ZMYM4: variants seen among roughly 807,000 people sequenced by gnomAD.
ZMYM4 encodes the protein zinc finger MYM-type containing 4, also known as zinc finger MYM-type protein 4.
In ZMYM4, 31 loss-of-function variants were observed where a neutral mutation model predicts 183.2. That is an observed-to-expected ratio of 0.17 (90% confidence interval 0.13 to 0.23). ZMYM4 has a LOEUF of 0.23. ZMYM4 is among the 10% of genes least tolerant of loss of function. The pLI is 1.00. For synonymous variants in ZMYM4, 592 were observed against 631.2 expected, an observed-to-expected ratio of 0.94 and a Z score of 0.93; for missense variants, 1,273 against 1,840.3, an observed-to-expected ratio of 0.69 and a Z score of 5.64.
At chr1:35,409,707 C>T (rs1270467804) in intron 26 of ZMYM4, among the ~76,000 whole-genome samples, 13 of 152,008 alleles carry the variant, frequency 8.6e-5, no homozygotes, top group Non-Finnish European at 1.0e-4. Context: ...TTTGGGAGGC[C>T]GAGGCAGGCA....
intron 1 of ZMYM4, among the ~76,000 whole-genome samples, chr1:35,324,947 T>G (rs538100139): frequency 6.6e-6 from 1 of 152,264 alleles, no homozygotes; most frequent in Non-Finnish European, 1.5e-5. Flanking sequence ...AGCAGCATGT[T>G]TTTGGCTTTA....
intron 2 of ZMYM4, among the ~76,000 whole-genome samples, chr1:35,353,456 C>T (rs535727872): frequency 1.3e-5 from 2 of 152,292 alleles, no homozygotes; most frequent in Non-Finnish European, 2.9e-5. Context: ...CTTGCAATTT[C>T]CTAATAGATC....
At position 35,418,517 on chromosome 1, in the gene ZMYM4, A is replaced by G. The variant is rs1292576211; in HGVS notation, c.4384A>G (p.Thr1462Ala). ...VPVGVEMAENTDNPLRCPVRL... is the reference protein window; with the variant it reads ...VPVGVEMAENADNPLRCPVRL... ...AGTGGGGGTGGAGATGGCAGAGAAT[A>G]CTGACAATCCACTAAGATGCCCAGT... Residue 1462 changes from threonine (T) to alanine (A), a missense_variant, in exon 29 of 30, where the codon ACT (threonine) becomes GCT (alanine). Around this residue, in one of 6 missense-constraint regions of ZMYM4, gnomAD observed 145 missense variants for 331.6 expected, o/e 0.44. Transcript: ENST00000314607. 6.2e-7 allele frequency: 1 copy of G among 1,614,136 alleles called. No homozygotes were observed.
At chr1:35,371,843 C>T (rs940867339) in intron 7 of ZMYM4, among the ~76,000 whole-genome samples, 5 of 151,942 alleles carry the variant, frequency 3.3e-5, no homozygotes, top group African/African-American at 1.2e-4. Flanking sequence ...TTGAAATGAC[C>T]GACAGGGTAA....
In ZMYM4 at chr1:35,297,371, A is replaced by G. The variant is rs139970406; in HGVS notation, c.40-27989A>G. On this transcript the variant is annotated intron_variant, in intron 1 of 29. Coordinates refer to ENST00000314607, the MANE Select transcript of ZMYM4 (RefSeq NM_005095.3). ...AGCCAGGCATTTTGGCTTACACCTG[A>G]GGGTGAGATGGGAGGATGGTTTGAG... Among the ~76,000 whole-genome samples the G allele has an allele frequency of 2.2e-4, 33 of 151,672 alleles. No homozygotes were observed. In the East Asian group the frequency reaches 6.4e-3, roughly 30 times the overall value.
At chr1:35,305,080 G>A (rs1641472050) in intron 1 of ZMYM4, among the ~76,000 whole-genome samples, 1 of 152,098 alleles carries the variant, frequency 6.6e-6, no homozygotes, top group South Asian at 2.1e-4. Context: ...TCCTGACCTC[G>A]TGATCCATCC....
chr1:35,388,577 T>TAAAACA (rs752816381), intron 13 of ZMYM4, among the ~76,000 whole-genome samples: 3 of 151,954 alleles, frequency 2.0e-5, no homozygotes, highest in Non-Finnish European at 4.4e-5. Context: ...TTATATCATT[T>TAAAACA]AAAACAAAAA....
At chr1:35,269,210 C>G (rs1639467863) in intron 1 of ZMYM4, 125 bp downstream of exon 1, 1 of 1,024,286 alleles carries the variant, frequency 9.8e-7, no homozygotes, top group Non-Finnish European at 1.3e-6. Context: ...GCGGGCAGGT[C>G]TGAGGCAGCC....
chr1:35,387,324 C>G, intron 12 of ZMYM4, 46 bp downstream of exon 12: 1 of 1,590,980 alleles, frequency 6.3e-7, no homozygotes, highest in Non-Finnish European at 8.6e-7. Context: ...ATACGTGGGT[C>G]TATTTGTAAA....
At chr1:35,391,160 A>G (rs181870959) in intron 15 of ZMYM4, among the ~76,000 whole-genome samples, 150 of 152,322 alleles carry the variant, frequency 9.8e-4, no homozygotes, top group Non-Finnish European at 3.8e-4. Flanking sequence ...AAGTGTGAAA[A>G]TATGTTGCAA....
chr1:35,381,679 C>G lies in ZMYM4; in HGVS notation c.1490C>G (p.Ser497Trp). The change falls in exon 9 of 30, where the codon TCG (serine) becomes TGG (tryptophan). Residue 497 changes from serine (S) to tryptophan (W), a missense_variant. By Grantham distance (177) the Ser-to-Trp change is radical. Transcript: ENST00000314607. ...ENCGGYCYSGSGQCHMLQIEG... is the reference protein window; with the variant it reads ...ENCGGYCYSGWGQCHMLQIEG... ...TGTGGGGGTTACTGTTACAGTGGGTCGGGACAATGCCACATGCTTCAGATA... is the reference window on the plus strand; with the variant it reads ...TGTGGGGGTTACTGTTACAGTGGGTGGGGACAATGCCACATGCTTCAGATA... 6.2e-7 allele frequency: 1 copy of G among 1,614,138 alleles called. No individual in the cohort carries two copies. Among genetic ancestry groups the G allele is most frequent in the Non-Finnish European group, 8.5e-7 (1 of 1,180,022 alleles).
In ZMYM4 at chr1:35,269,176, C is replaced by T. The variant is rs888171073; in HGVS notation, c.39+91C>T. 2.7e-6 allele frequency: 4 copies of T among 1,486,756 alleles called. No individual in the cohort carries two copies. The African/African-American group carries it at 4.3e-5, about 16-fold the overall frequency. 92.1% of individuals were successfully genotyped at this position (1,486,756 alleles called of 1,614,324 possible). A position where few individuals can be genotyped will look rare whatever the true frequency, so the allele number is the denominator to read the frequency against. On this transcript the variant is annotated intron_variant, in intron 1 of 29. Coordinates refer to ENST00000314607, the MANE Select transcript of ZMYM4 (RefSeq NM_005095.3). The stretch of plus-strand genomic sequence containing the variant: ...CATACTCAGGTTCGTGGAGGGGTCG[C>T]CGAGGCCCAGTTAGGACAAGGTTGC...
chr1:35,371,098 TGTGTGTGTGC>T lies in ZMYM4; in HGVS notation c.1181+473_1181+482del, dbSNP rs1166178726. ...GTGTGTGTGTGTGTGTGTGTGTGTG[TGTGTGTGTGC>T]GCACATTTATTTATTTATTTATTTT... On this transcript the variant is annotated intron_variant, in intron 7 of 29. Coordinates refer to ENST00000314607, the MANE Select transcript of ZMYM4 (RefSeq NM_005095.3). Among the ~76,000 whole-genome samples, 695 of 129,916 alleles carry T rather than the reference TGTGTGTGTGC, an allele frequency of 5.3e-3. 4 individuals carry two copies. Among genetic ancestry groups the T allele is most frequent in the African/African-American group, 0.017 (511 of 30,894 alleles). 85.2% of individuals were successfully genotyped at this position (129,916 alleles called of 152,430 possible).
intron 7 of ZMYM4, among the ~76,000 whole-genome samples, chr1:35,373,367 ACTTTTTTTTTTT>A (rs1021456580): frequency 2.1e-5 from 3 of 146,252 alleles, no homozygotes; most frequent in Non-Finnish European, 3.0e-5. Context: ...AATGATCTTA[ACTTTTTTTTTTT>A]CTTTTTTTTT....
chr1:35,293,004 AT>A (rs58564183), intron 1 of ZMYM4, among the ~76,000 whole-genome samples: 27 of 145,392 alleles, frequency 1.9e-4, no homozygotes, highest in Admixed American at 3.4e-4. Context: ...TACCATTAAC[AT>A]TTTTTTTTTT....
At chr1:35,403,085 A>G (rs965481101) in intron 23 of ZMYM4, among the ~76,000 whole-genome samples, 18 of 152,304 alleles carry the variant, frequency 1.2e-4, no homozygotes, top group African/African-American at 4.1e-4. Flanking sequence ...ATGATTGGGT[A>G]TTGAACTTCC....
chr1:35,358,186 A>T (rs529812250), intron 2 of ZMYM4, among the ~76,000 whole-genome samples: 1 of 152,134 alleles, frequency 6.6e-6, no homozygotes, highest in Non-Finnish European at 1.5e-5. Flanking sequence ...TTTTTTTCCT[A>T]CAAGTTTGTG....
chr1:35,372,580 C>T (rs930827818), intron 7 of ZMYM4, among the ~76,000 whole-genome samples: 2 of 152,086 alleles, frequency 1.3e-5, no homozygotes, highest in Non-Finnish European at 2.9e-5. Context: ...ATTTAGGCAT[C>T]GCACAGTGTG....
At chr1:35,398,379 C>T (rs750153865) in intron 20 of ZMYM4, 34 bp from the exon 21 acceptor site, 9 of 1,583,532 alleles carry the variant, frequency 5.7e-6, no homozygotes, top group Non-Finnish European at 7.8e-6. Context: ...GTTGTCTAAA[C>T]ATAAATTATT....
Sources: gnomAD v4.1 joint callset for allele counts (sites outside exome capture counted in the v4.1 genomes callset) on GRCh38, gnomAD v4.1.1 for gene constraint, gnomAD v4.1.1 regional missense constraint, MANE v1.5 for transcripts, NCBI Gene and HGNC (gene_info 2026-07-23, HGNC 2026-07-21) for gene names.